The following NRXN3 variants were observed in gnomAD, a reference collection of about 807,000 sequenced individuals.
The protein encoded by NRXN3 is neurexin III.
Under a neutral mutation model 137.6 loss-of-function variants are expected in NRXN3, and 32 were observed. The observed-to-expected ratio is 0.23, with a 90% CI of 0.18 to 0.31. The LOEUF (loss-of-function observed/expected upper bound fraction) is 0.31, where lower values mean the gene tolerates loss of function less well. Among genes scored for constraint, NRXN3 ranks in the 10% least tolerant of loss-of-function variants. The pLI, the probability that NRXN3 is intolerant of heterozygous loss-of-function variation, is 1.00. For synonymous variants in NRXN3, 798 were observed against 784.5 expected (o/e 1.02, Z -0.29); for missense variants, 1,574 against 2,062.5 (o/e 0.76, Z 4.59).
chr14:79,301,277 G>A (rs185189494), intron 15 of NRXN3, among the ~76,000 whole-genome samples: 10 of 152,124 alleles, frequency 6.6e-5, no homozygotes, highest in Admixed American at 2.6e-4. Context: ...CTGAGTGTTT[G>A]CCCTGGCAGC....
At chr14:79,390,113 C>G (rs912766987) in intron 15 of NRXN3, among the ~76,000 whole-genome samples, 1 of 151,816 alleles carries the variant, frequency 6.6e-6, no homozygotes, top group Non-Finnish European at 1.5e-5. Flanking sequence ...GTCAGGAGAT[C>G]CAGACCATCC....
chr14:78,821,266 C>T lies in NRXN3; in HGVS notation c.2275+10922C>T, dbSNP rs978971553. The stretch of plus-strand genomic sequence containing the variant: ...ATGAAATTGGTGTTATCCACAAGTG[C>T]GGGCAGGATAAAATCTAAAGCAATA... On this transcript the variant is annotated intron_variant, in intron 10 of 20. Coordinates refer to ENST00000335750, the MANE Select transcript of NRXN3 (RefSeq NM_001330195.2). Among the ~76,000 whole-genome samples the T allele has an allele frequency of 3.3e-5, 5 of 152,146 alleles. No individual in the cohort carries two copies. In the East Asian group the frequency reaches 9.7e-4, roughly 29 times the overall value.
At chr14:79,146,474 A>G (rs1021313122) in intron 15 of NRXN3, among the ~76,000 whole-genome samples, 1 of 152,120 alleles carries the variant, frequency 6.6e-6, no homozygotes, top group African/African-American at 2.4e-5. Flanking sequence ...ATTTTAGATA[A>G]AGTTATAATA....
intron 4 of NRXN3, among the ~76,000 whole-genome samples, chr14:78,569,847 C>T (rs1032064941): frequency 1.3e-5 from 2 of 152,132 alleles, no homozygotes; most frequent in Admixed American, 6.5e-5. Context: ...TAGACTCAAG[C>T]GATCCTCCTG....
rs1436318016 is a variant in NRXN3, at chr14:79,284,380, ATATATG to A, written c.3263-182837_3263-182832del. On this transcript the variant is annotated intron_variant, in intron 15 of 20. Transcript: ENST00000335750. ...TATATATATATATATATATATATATATATATGTATCTCCAATGTACATCTGCCTAAA... is the reference window on the plus strand; with the variant it reads ...TATATATATATATATATATATATATATATCTCCAATGTACATCTGCCTAAA... Among the ~76,000 whole-genome samples, 562 of 121,380 alleles carry A rather than the reference ATATATG, an allele frequency of 4.6e-3. 2 individuals are homozygous for A. The highest frequency in any genetic ancestry group is 7.5e-3 in the Non-Finnish European group (463 of 61,824). The allele number at this position is 121,380 out of a possible 152,430, so 79.6% of individuals were successfully genotyped here. A position where few individuals can be genotyped will look rare whatever the true frequency, so the allele number is the denominator to read the frequency against.
At chr14:79,780,375 C>G (rs1185849566) in intron 19 of NRXN3, among the ~76,000 whole-genome samples, 1 of 151,482 alleles carries the variant, frequency 6.6e-6, no homozygotes, top group Non-Finnish European at 1.5e-5. Context: ...CCGAGGCAGG[C>G]AGATCACAAG....
intron 15 of NRXN3, among the ~76,000 whole-genome samples, chr14:79,261,320 G>A (rs2219846): frequency 0.66 from 99,561 of 151,950 alleles, 32,904 homozygotes; most frequent in Non-Finnish European, 0.69. Context: ...TGAATGAGAT[G>A]TGTTCTCCAC....
chr14:78,409,626 C>T (rs2092707836), intron 4 of NRXN3, among the ~76,000 whole-genome samples: 2 of 152,178 alleles, frequency 1.3e-5, no homozygotes, highest in Admixed American at 1.3e-4. Context: ...AGAAAGTGTT[C>T]AGTATAATTT....
intron 10 of NRXN3, among the ~76,000 whole-genome samples, chr14:78,876,306 A>C (rs1436213406): frequency 6.6e-6 from 1 of 152,192 alleles, no homozygotes; most frequent in African/African-American, 2.4e-5. Context: ...CTTGAAAGCT[A>C]AATGTCAGAC....
At chr14:79,703,444 A>ACTC (rs2098763319) in intron 19 of NRXN3, among the ~76,000 whole-genome samples, 1 of 151,722 alleles carries the variant, frequency 6.6e-6, no homozygotes, top group Admixed American at 6.6e-5. Flanking sequence ...TCTGAGTTGG[A>ACTC]CTCCAGGTTT....
At chr14:78,680,970 A>C (rs2098068773) in intron 6 of NRXN3, among the ~76,000 whole-genome samples, 1 of 152,234 alleles carries the variant, frequency 6.6e-6, no homozygotes, top group Non-Finnish European at 1.5e-5. Flanking sequence ...TAAAAGTATT[A>C]TCAGAAACAT....
At chr14:78,645,031 G>A in intron 4 of NRXN3, 89 bp from the exon 5 acceptor site, 1 of 1,168,932 alleles carries the variant, frequency 8.6e-7, no homozygotes. Context: ...ACGGGGCAGT[G>A]CCCCTGCGGT....
chr14:78,297,158 A>G (rs1308765884), intron 3 of NRXN3, among the ~76,000 whole-genome samples: 1 of 152,198 alleles, frequency 6.6e-6, no homozygotes, highest in African/African-American at 2.4e-5. Context: ...TTTCTAGGAA[A>G]GATGGTGGGG....
At chr14:79,079,894 A>G (rs537178528) in intron 15 of NRXN3, among the ~76,000 whole-genome samples, 3 of 152,166 alleles carry the variant, frequency 2.0e-5, no homozygotes, top group Non-Finnish European at 4.4e-5. Flanking sequence ...AGGCTGAGGC[A>G]GGAGAAATGC....
chr14:79,748,510 A>G (rs747866395), intron 19 of NRXN3, among the ~76,000 whole-genome samples: 6 of 152,162 alleles, frequency 3.9e-5, no homozygotes, highest in Middle Eastern at 6.8e-3. Context: ...CATTTCCCCT[A>G]ATACACAGTA....
At chr14:78,468,069 G>A (rs1257342036) in intron 4 of NRXN3, among the ~76,000 whole-genome samples, 3 of 152,020 alleles carry the variant, frequency 2.0e-5, no homozygotes, top group Non-Finnish European at 2.9e-5. Flanking sequence ...GATTACAGGG[G>A]CCCGCCACCA....
At chr14:78,700,354 C>T (rs572483463) in intron 6 of NRXN3, among the ~76,000 whole-genome samples, 1 of 152,268 alleles carries the variant, frequency 6.6e-6, no homozygotes, top group Non-Finnish European at 1.5e-5. Context: ...TGGAGCACTA[C>T]CTTGAGAGGA....
chr14:79,207,493 G>A (rs2066958301), intron 15 of NRXN3, among the ~76,000 whole-genome samples: 1 of 152,172 alleles, frequency 6.6e-6, no homozygotes, highest in Non-Finnish European at 1.5e-5. Context: ...TTAACAACTG[G>A]TGCAAGGAAA....
rs117524156 is a variant in NRXN3, at chr14:78,413,297, T to C, written c.757+115437T>C. Among the ~76,000 whole-genome samples, 616 of 152,262 alleles carry C rather than the reference T, an allele frequency of 4.0e-3. 4 individuals carry two copies. The highest frequency in any genetic ancestry group is 0.035 in the East Asian group (183 of 5,176). On this transcript the variant is annotated intron_variant, in intron 4 of 20. Transcript: ENST00000335750. ...CAACAGGGCTAAGTTTGTTTGTTTG[T>C]TTTTTTGGACAGAGTTTTACTCTTG...
Sources: allele counts gnomAD v4.1 joint callset (sites outside exome capture counted in the v4.1 genomes callset), GRCh38; gene constraint gnomAD v4.1.1; transcripts MANE v1.5; gene names NCBI Gene and HGNC (gene_info 2026-07-23, HGNC 2026-07-21).